Variants in RUNX2 observed in about 807,000 individuals in gnomAD.
The protein encoded by RUNX2 is runt-related transcription factor 2.
RUNX2 carries 10 observed loss-of-function variants against 51.7 expected under a neutral mutation model. That is an observed-to-expected ratio of 0.19 (90% CI 0.12 to 0.33). The LOEUF is 0.33. Among genes scored for constraint, RUNX2 ranks in the 10% least tolerant of loss-of-function variants. The probability of loss-of-function intolerance (pLI) is 1.00; values close to 1 mark genes in which losing one functional copy is unlikely to be tolerated. For synonymous variants in RUNX2, 276 were observed against 273.6 expected (o/e 1.01, Z -0.09); for missense variants, 562 against 691.3 (o/e 0.81, Z 2.10).
chr6:45,428,838 C>G (rs1446917289), intron 3 of RUNX2, among the ~76,000 whole-genome samples: 2 of 131,070 alleles, frequency 1.5e-5, no homozygotes, highest in African/African-American at 5.7e-5. Context: ...GGGCAGATTG[C>G]TTTTTTTTTT....
At chr6:45,389,217 G>A (rs1563064305) in intron 2 of RUNX2, among the ~76,000 whole-genome samples, 1 of 152,190 alleles carries the variant, frequency 6.6e-6, no homozygotes, top group Non-Finnish European at 1.5e-5. Flanking sequence ...ACATGTTTAT[G>A]ACTGTGATTT....
At chr6:45,414,797 G>T (rs1798030747) in intron 2 of RUNX2, among the ~76,000 whole-genome samples, 1 of 99,050 alleles carries the variant, frequency 1.0e-5, no homozygotes, top group African/African-American at 3.9e-5. Flanking sequence ...CAGATCTAGT[G>T]ATAAGGCAGC....
intron 2 of RUNX2, among the ~76,000 whole-genome samples, chr6:45,399,343 T>G (rs1283365324): frequency 7.0e-6 from 1 of 142,250 alleles, no homozygotes; most frequent in Non-Finnish European, 1.5e-5. Context: ...TTCTTTCTTT[T>G]CTTTCCTTTT....
rs546120153 is a variant in RUNX2, at chr6:45,350,293, G to C, written c.58+21509G>C. 6.2e-4 allele frequency among the ~76,000 whole-genome samples: 95 copies of C among 152,306 alleles called. 1 individual carries two copies. Among genetic ancestry groups the C allele is most frequent in the South Asian group, 1.2e-3 (6 of 4,820 alleles). On this transcript the variant is annotated intron_variant, in intron 2 of 8. Coordinates refer to ENST00000647337, the MANE Select transcript of RUNX2 (RefSeq NM_001024630.4). ...GTGAATGAATAAACAAAAAACATTT[G>C]TATATAATAATCTTCTAGATTAAAT...
intron 7 of RUNX2, among the ~76,000 whole-genome samples, chr6:45,524,790 G>T (rs926865998): frequency 8.5e-5 from 13 of 152,168 alleles, no homozygotes; most frequent in African/African-American, 2.9e-4. Flanking sequence ...TACACCTTAG[G>T]AAAACAGTAC....
intron 2 of RUNX2, among the ~76,000 whole-genome samples, chr6:45,377,082 T>G (rs901757461): frequency 6.8e-6 from 1 of 146,052 alleles, no homozygotes; most frequent in Non-Finnish European, 1.6e-5. Flanking sequence ...AGTGTCCTGA[T>G]TCTCTGAGAA....
At chr6:45,355,933 A>T (rs577360478) in intron 2 of RUNX2, among the ~76,000 whole-genome samples, 10 of 152,286 alleles carry the variant, frequency 6.6e-5, no homozygotes, top group Admixed American at 6.5e-4. Context: ...TATTAAACAC[A>T]CATTACTAAC....
At chr6:45,499,541 A>G (rs543653097) in intron 6 of RUNX2, among the ~76,000 whole-genome samples, 1 of 152,344 alleles carries the variant, frequency 6.6e-6, no homozygotes, top group Non-Finnish European at 1.5e-5. Context: ...CAGTATCCAC[A>G]GATGAGCTTC....
chr6:45,371,067 T>TA (rs1302762977), intron 2 of RUNX2, among the ~76,000 whole-genome samples: 1 of 152,196 alleles, frequency 6.6e-6, no homozygotes, highest in Non-Finnish European at 1.5e-5. Flanking sequence ...ATTAAAGAGT[T>TA]ACTTAATGGT....
At chr6:45,405,582 A>G (rs1797816717) in intron 2 of RUNX2, among the ~76,000 whole-genome samples, 1 of 152,202 alleles carries the variant, frequency 6.6e-6, no homozygotes. Context: ...TGAGGTCAGG[A>G]GTTCAAGACC....
Position 45,512,417 on chromosome 6 carries a change from G to T in RUNX2, c.1021+10G>T. 6.2e-7 allele frequency: 1 copy of T among 1,613,578 alleles called. No homozygotes were observed. Among genetic ancestry groups the T allele is most frequent in the Non-Finnish European group, 8.5e-7 (1 of 1,179,888 alleles). On this transcript the variant is annotated intron_variant, in intron 7 of 8. Coordinates refer to ENST00000647337, the MANE Select transcript of RUNX2 (RefSeq NM_001024630.4). ...CCTAGGCGCATTTCAGGTAAAGACC[G>T]TGCTTTAACTAAAAATCCATCCCTG...
chr6:45,538,157 T>C (rs1466271108), intron 7 of RUNX2, among the ~76,000 whole-genome samples: 1 of 152,184 alleles, frequency 6.6e-6, no homozygotes, highest in Non-Finnish European at 1.5e-5. Flanking sequence ...CTGCTTTTAA[T>C]ATAGACCAAG....
intron 2 of RUNX2, among the ~76,000 whole-genome samples, chr6:45,330,252 A>G (rs533101007): frequency 6.6e-6 from 1 of 152,048 alleles, no homozygotes; most frequent in Admixed American, 6.6e-5. Context: ...TACTCTAAAA[A>G]CTTCTATATT....
intron 5 of RUNX2, among the ~76,000 whole-genome samples, chr6:45,477,648 T>C (rs1459786879): frequency 6.6e-6 from 1 of 152,212 alleles, no homozygotes; most frequent in East Asian, 1.9e-4. Flanking sequence ...ATGTCTCACA[T>C]TCACTCCCTC....
At chr6:45,350,925 C>T (rs1387568251) in intron 2 of RUNX2, among the ~76,000 whole-genome samples, 1 of 152,148 alleles carries the variant, frequency 6.6e-6, no homozygotes, top group Non-Finnish European at 1.5e-5. Context: ...AACACTACCA[C>T]CTCAGCTCTA....
At chr6:45,399,590 C>T (rs144844597) in intron 2 of RUNX2, among the ~76,000 whole-genome samples, 4 of 151,936 alleles carry the variant, frequency 2.6e-5, no homozygotes, top group South Asian at 4.2e-4. Flanking sequence ...GAACTCCTGA[C>T]CTCATGATCT....
intron 7 of RUNX2, among the ~76,000 whole-genome samples, chr6:45,533,638 A>G (rs937076638): frequency 1.3e-5 from 2 of 152,176 alleles, no homozygotes; most frequent in African/African-American, 4.8e-5. Flanking sequence ...AAGTTACATA[A>G]GGAGCATTGT....
chr6:45,378,876 C>T (rs942158382), intron 2 of RUNX2, among the ~76,000 whole-genome samples: 2 of 152,058 alleles, frequency 1.3e-5, no homozygotes, highest in Non-Finnish European at 2.9e-5. Context: ...ATTCTTATTG[C>T]CTGCTTAGAG....
At chr6:45,348,224 G>A (rs1367764651) in intron 2 of RUNX2, among the ~76,000 whole-genome samples, 1 of 151,890 alleles carries the variant, frequency 6.6e-6, no homozygotes, top group Non-Finnish European at 1.5e-5. Context: ...GTCTGACTCT[G>A]GAGTCAGAAA....
Sources: allele counts gnomAD v4.1 joint callset (sites outside exome capture counted in the v4.1 genomes callset), GRCh38; gene constraint gnomAD v4.1.1; transcripts MANE v1.5; gene names NCBI Gene and HGNC (gene_info 2026-07-23, HGNC 2026-07-21).